Variants in IL17RC observed in about 807,000 individuals in gnomAD.
IL17RC encodes the protein interleukin-17 receptor C.
A neutral mutation model predicts 86.7 loss-of-function variants in IL17RC; 53 were observed. The ratio of observed to expected loss-of-function variants is 0.61; its 90% confidence interval spans 0.49 to 0.77. IL17RC has a LOEUF of 0.77. IL17RC is among the 30% of genes least tolerant of loss of function. The pLI is 0.00. For synonymous variants in IL17RC, 439 were observed against 413.1 expected, an observed-to-expected ratio of 1.06 and a Z score of -0.76; for missense variants, 957 against 940.0, an observed-to-expected ratio of 1.02 and a Z score of -0.24.
chr3:9,930,467 G>C lies in IL17RC; in HGVS notation c.1338+8G>C, dbSNP rs771739149. The C allele has an allele frequency of 4.9e-5, 79 of 1,613,602 alleles. No homozygotes were observed. The highest frequency in any genetic ancestry group is 6.4e-5 in the Non-Finnish European group (76 of 1,179,778). On this transcript the variant is annotated splice_region_variant and intron_variant, in intron 15 of 18. Coordinates refer to ENST00000403601, the MANE Select transcript of IL17RC (RefSeq NM_153460.4). The surrounding 1 kb of genome is among the most constrained non-coding windows in gnomAD (Gnocchi z 5.8). ...TCAGGCCAGTGTCTGCAGGTGAGCT[G>C]GTGGAAGAAGGGCCCCACCTCAATG...
intron 7 of IL17RC, among the ~76,000 whole-genome samples, 196 bp from the exon 8 acceptor site, chr3:9,923,685 G>T (rs757641028): frequency 6.6e-6 from 1 of 152,086 alleles, no homozygotes; most frequent in African/African-American, 2.4e-5. Flanking sequence ...GCTCTTCTCC[G>T]ACCACACACT....
chr3:9,928,270 A>G (rs1420435119), intron 10 of IL17RC, 35 bp from the exon 11 acceptor site: 2 of 1,613,530 alleles, frequency 1.2e-6, no homozygotes, highest in African/African-American at 1.3e-5. Flanking sequence ...AGCGATGGGT[A>G]CCTGGCCTGC....
intron 9 of IL17RC, among the ~76,000 whole-genome samples, chr3:9,925,368 G>A (rs764928341): frequency 1.3e-5 from 2 of 151,588 alleles, no homozygotes; most frequent in African/African-American, 2.4e-5. Flanking sequence ...CACAAGCCTC[G>A]TCCTCCCAAA....
intron 16 of IL17RC, among the ~76,000 whole-genome samples, chr3:9,931,569 C>T (rs139012584): frequency 1.0e-4 from 15 of 150,624 alleles, no homozygotes; most frequent in African/African-American, 2.0e-4. Context: ...TGCAATGGCG[C>T]GATCTCGGCT....
In IL17RC at chr3:9,917,124, TAGG is replaced by T. The variant is rs1433246047; in HGVS notation, c.-186_-184del. The T allele has an allele frequency of 6.8e-6, 4 of 584,164 alleles. No individual in the cohort carries two copies. Among genetic ancestry groups the T allele is most frequent in the East Asian group, 2.8e-5 (1 of 35,592 alleles). The allele number at this position is 584,164 out of a possible 1,614,324, so 36.2% of individuals were successfully genotyped here. On this transcript the variant is annotated 5_prime_UTR_variant, in exon 1 of 19. Coordinates refer to ENST00000403601, the MANE Select transcript of IL17RC (RefSeq NM_153460.4). ...AAACGAAAGCACTCCGTGCTGGAAG[TAGG>T]AGGAGAGTCAGGACTCCCAGGACAG...
Position 9,928,392 on chromosome 3 carries a change from T to G in IL17RC, c.965T>G (p.Leu322Arg). 2.5e-6 allele frequency: 4 copies of G among 1,605,314 alleles called. No homozygotes were observed. The highest frequency in any genetic ancestry group is 3.4e-6 in the Non-Finnish European group (4 of 1,176,388). ...QSWLLDAPCS[L>R]PAEAALCWRA... ...TGGCTGCTGGACGCACCGTGCTCGC[T>G]GCCCGCAGAAGCGGCACTGTGCTGG... The change falls in exon 11 of 19, where the codon CTG (leucine) becomes CGG (arginine). Residue 322 changes from leucine (L) to arginine (R), a missense_variant. Leu to Arg is a moderately radical substitution (Grantham distance 102, BLOSUM62 -2). Coordinates refer to ENST00000403601, the MANE Select transcript of IL17RC (RefSeq NM_153460.4).
chr3:9,921,054 G>A, intron 7 of IL17RC, 85 bp downstream of exon 7: 1 of 762,462 alleles, frequency 1.3e-6, no homozygotes, highest in East Asian at 2.6e-5. Context: ...TCAGATATGG[G>A]CTACCACATC....
intron 16 of IL17RC, among the ~76,000 whole-genome samples, chr3:9,932,075 C>T (rs1047503142): frequency 6.6e-6 from 1 of 152,104 alleles, no homozygotes; most frequent in East Asian, 1.9e-4. Flanking sequence ...CTCACACCAA[C>T]CCTATGACAC....
rs151311782 is a variant in IL17RC, at chr3:9,928,458, C to G, written c.1031C>G (p.Pro344Arg). The change falls in exon 11 of 19, where the codon CCG becomes CGG. Residue 344 changes from proline (P) to arginine (R), a missense_variant. Transcript: ENST00000403601. ...GGDPCQPLVPPLSWENVTVDK... is the reference protein window; with the variant it reads ...GGDPCQPLVPRLSWENVTVDK... Reference sequence around the variant, plus strand: ...GACCCCTGCCAGCCACTGGTCCCACCGCTTTCCTGGGAGAACGTCACTGTG... The same window carrying G: ...GACCCCTGCCAGCCACTGGTCCCACGGCTTTCCTGGGAGAACGTCACTGTG... The G allele has an allele frequency of 6.2e-7, 1 of 1,609,938 alleles. No individual in the cohort carries two copies. The highest frequency in any genetic ancestry group is 8.5e-7 in the Non-Finnish European group (1 of 1,179,692).
intron 7 of IL17RC, among the ~76,000 whole-genome samples, chr3:9,923,467 C>T (rs1270838117): frequency 2.6e-5 from 4 of 151,004 alleles, no homozygotes; most frequent in Non-Finnish European, 4.4e-5. Context: ...GCAAGAGAAT[C>T]GCTTGAACCC....
At chr3:9,932,461 C>T (rs2084826501) in intron 16 of IL17RC, 147 bp from the exon 17 acceptor site, 3 of 758,396 alleles carry the variant, frequency 4.0e-6, no homozygotes, top group East Asian at 2.5e-5. Context: ...GTCCTGACCT[C>T]GTGATCTGCC....
chr3:9,932,576 A>C, intron 16 of IL17RC, 32 bp from the exon 17 acceptor site: 1 of 1,589,880 alleles, frequency 6.3e-7, no homozygotes, highest in Non-Finnish European at 8.6e-7. Flanking sequence ...GTGGAGGGTA[A>C]GTTTCTAACT....
chr3:9,932,526 G>A, intron 16 of IL17RC, 82 bp from the exon 17 acceptor site: 10 of 1,311,128 alleles, frequency 7.6e-6, no homozygotes, highest in Admixed American at 1.7e-5. Context: ...CACCGCACCC[G>A]GCCCAATTCA....
intron 5 of IL17RC, 110 bp downstream of exon 5, chr3:9,918,719 G>T: frequency 1.3e-6 from 1 of 744,198 alleles, no homozygotes. Context: ...AAACCCTTCA[G>T]TACCAGGCAT....
chr3:9,930,917 C>T lies in IL17RC; in HGVS notation c.1361C>T (p.Ala454Val), dbSNP rs1317174871. ...CAGCTATGGGACGATGACTTGGGAG[C>T]GCTATGGGCCTGCCCCATGGACAAA... Reference protein sequence around the residue: ...CLQLWDDDLGALWACPMDKYI... With the variant: ...CLQLWDDDLGVLWACPMDKYI... Residue 454 changes from alanine (A) to valine (V), a missense_variant, in exon 16 of 19, where the codon GCG becomes GTG. By Grantham distance (64) the Ala-to-Val change is moderately conservative. Transcript: ENST00000403601. The surrounding 1 kb of genome is among the most constrained non-coding windows in gnomAD (Gnocchi z 5.8). 6.8e-6 allele frequency: 11 copies of T among 1,613,960 alleles called. No homozygotes were observed. Among genetic ancestry groups the T allele is most frequent in the Admixed American group, 3.3e-5 (2 of 60,030 alleles).
At chr3:9,927,231 C>A (rs1274689127) in intron 9 of IL17RC, among the ~76,000 whole-genome samples, 4 of 6,950 alleles carry the variant, frequency 5.8e-4, no homozygotes, top group Non-Finnish European at 1.0e-3. Context: ...CAACACATAG[C>A]AGGTGCTTAC....
At chr3:9,928,125 C>T (rs375212817) in intron 9 of IL17RC, 41 bp from the exon 10 acceptor site, 967 of 1,597,730 alleles carry the variant, frequency 6.1e-4, no homozygotes, top group Non-Finnish European at 7.9e-4. Context: ...CAGGCACATG[C>T]CCATGGAGGG....
chr3:9,923,775 G>C, intron 7 of IL17RC, 106 bp from the exon 8 acceptor site: 1 of 1,290,102 alleles, frequency 7.8e-7, no homozygotes, highest in East Asian at 2.3e-5. Context: ...TCTGCCCTCC[G>C]AGAGCCTCCC....
intron 5 of IL17RC, 80 bp downstream of exon 5, chr3:9,918,689 C>G: frequency 1.0e-6 from 1 of 969,596 alleles, no homozygotes; most frequent in South Asian, 1.3e-5. Flanking sequence ...TTGAGGATTA[C>G]AAAAGAATTA....
Sources: gnomAD v4.1 joint callset for allele counts (sites outside exome capture counted in the v4.1 genomes callset) on GRCh38, gnomAD v4.1.1 for gene constraint, Gnocchi (gnomAD v3.1) non-coding constraint, MANE v1.5 for transcripts, NCBI Gene and HGNC (gene_info 2026-07-23, HGNC 2026-07-21) for gene names.